The following CYRIB variants were observed in gnomAD, a reference collection of about 807,000 sequenced individuals.
CYRIB encodes CYFIP-related Rac1 interactor B.
In CYRIB, 8 loss-of-function variants were observed where a neutral mutation model predicts 44.2. The ratio of observed to expected loss-of-function variants is 0.18; its 90% CI spans 0.11 to 0.33. The LOEUF (loss-of-function observed/expected upper bound fraction) is 0.33, where lower values mean the gene tolerates loss of function less well. Ranked by LOEUF, CYRIB falls within the 10% of genes least tolerant of loss-of-function variation. The pLI, the probability that CYRIB is intolerant of heterozygous loss-of-function variation, is 1.00. For synonymous variants in CYRIB, 131 were observed against 127.2 expected (o/e 1.03, Z -0.20); for missense variants, 185 against 382.8 (o/e 0.48, Z 4.31).
intron 2 of CYRIB, among the ~76,000 whole-genome samples, chr8:129,965,661 T>C (rs2131931405): frequency 6.6e-6 from 1 of 151,564 alleles, no homozygotes; most frequent in African/African-American, 2.4e-5. Context: ...CCGGGCGTGG[T>C]GGTGGGTGCC....
intron 10 of CYRIB, among the ~76,000 whole-genome samples, chr8:129,848,711 G>A (rs1387183299): frequency 2.0e-5 from 3 of 151,794 alleles, no homozygotes; most frequent in Admixed American, 6.6e-5. Context: ...TGTGACTACC[G>A]ATGTGTGCCA....
At chr8:129,969,907 A>G (rs1046163918) in intron 2 of CYRIB, among the ~76,000 whole-genome samples, 5 of 152,164 alleles carry the variant, frequency 3.3e-5, no homozygotes, top group African/African-American at 4.8e-5. Flanking sequence ...GATCACCTAC[A>G]CTATTTAAAG....
At chr8:129,847,723 G>A (rs533558175) in intron 10 of CYRIB, among the ~76,000 whole-genome samples, 3 of 152,174 alleles carry the variant, frequency 2.0e-5, no homozygotes, top group African/African-American at 7.2e-5. Flanking sequence ...ATATTAGCCT[G>A]GTTGTTATAA....
intron 3 of CYRIB, among the ~76,000 whole-genome samples, chr8:129,877,782 C>T (rs2059633809): frequency 1.3e-5 from 2 of 151,840 alleles, no homozygotes; most frequent in Admixed American, 1.3e-4. Context: ...ATGCTTCCCA[C>T]TTGACCATAA....
intron 2 of CYRIB, among the ~76,000 whole-genome samples, chr8:129,962,512 AG>A (rs1305643216): frequency 6.6e-6 from 1 of 152,204 alleles, no homozygotes; most frequent in African/African-American, 2.4e-5. Flanking sequence ...TGTCTAGCCC[AG>A]CATCTATGGC....
intron 11 of CYRIB, among the ~76,000 whole-genome samples, chr8:129,845,594 C>T (rs925598399): frequency 6.6e-6 from 1 of 152,212 alleles, no homozygotes; most frequent in Non-Finnish European, 1.5e-5. Context: ...CAACACTTTT[C>T]ATAATCTTTT....
At chr8:129,962,728 G>C (rs2095319423) in intron 2 of CYRIB, among the ~76,000 whole-genome samples, 1 of 152,054 alleles carries the variant, frequency 6.6e-6, no homozygotes. Flanking sequence ...TCGGGGTATT[G>C]CATAACCAGC....
intron 6 of CYRIB, 84 bp from the exon 9 acceptor site, chr8:129,854,427 T>A: frequency 1.1e-6 from 1 of 952,320 alleles, no homozygotes; most frequent in Non-Finnish European, 1.6e-6. Flanking sequence ...TAGTTTTAAT[T>A]AGTATAAAAC....
upstream of CYRIB, among the ~76,000 whole-genome samples, chr8:129,940,959 G>C (rs556531274): frequency 6.6e-6 from 1 of 152,132 alleles, no homozygotes; most frequent in Non-Finnish European, 1.5e-5. Context: ...CTAAGGTTCC[G>C]GTAACTATCT....
At chr8:130,006,425 G>C (rs928535099) in intron 1 of CYRIB, among the ~76,000 whole-genome samples, 2 of 148,606 alleles carry the variant, frequency 1.3e-5, no homozygotes, top group African/African-American at 5.0e-5. Flanking sequence ...AGTCCAGCTT[G>C]AGCAACGTAG....
In CYRIB at chr8:129,854,531, G is replaced by A. The variant is rs1027951630; in HGVS notation, c.439-188C>T. The stretch of plus-strand genomic sequence containing the variant: ...TTAGTCCTTACTGAACATATAAAAC[G>A]AAAGACCACAGGCAGTATACTTTCC... On this transcript the variant is annotated intron_variant, in intron 6 of 11. Coordinates refer to ENST00000519824, the Ensembl canonical transcript of CYRIB. Among the ~76,000 whole-genome samples the A allele has an allele frequency of 3.7e-4, 56 of 152,156 alleles. 1 individual carries two copies. The highest frequency in any genetic ancestry group is 1.3e-3 in the African/African-American group (54 of 41,520).
intron 4 of CYRIB, among the ~76,000 whole-genome samples, chr8:129,863,774 A>G (rs1395378409): frequency 2.0e-5 from 3 of 152,174 alleles, no homozygotes; most frequent in Non-Finnish European, 4.4e-5. Flanking sequence ...CCAAAAATAC[A>G]TATTTTTTTG....
At chr8:129,983,265 G>A (rs2096312851) in intron 1 of CYRIB, among the ~76,000 whole-genome samples, 1 of 152,042 alleles carries the variant, frequency 6.6e-6, no homozygotes, top group African/African-American at 2.4e-5. Flanking sequence ...CTAACACGGT[G>A]AAACCCCGTC....
At chr8:129,924,415 T>C (rs1294615864) in intron 1 of CYRIB, among the ~76,000 whole-genome samples, 2 of 150,862 alleles carry the variant, frequency 1.3e-5, no homozygotes, top group Non-Finnish European at 3.0e-5. Flanking sequence ...TTGATGCCAC[T>C]TTATTCACAA....
chr8:129,893,394 G>A (rs1213542011), intron 2 of CYRIB, among the ~76,000 whole-genome samples: 1 of 152,034 alleles, frequency 6.6e-6, no homozygotes. Context: ...AAAGAAAAAA[G>A]CAAAGGGCAT....
In CYRIB at chr8:129,875,379, A is replaced by C. The variant is rs2058761597; in HGVS notation, c.74-3883T>G. Among the ~76,000 whole-genome samples, 4 of 151,950 alleles carry C rather than the reference A, an allele frequency of 2.6e-5. No homozygotes were observed. The South Asian group carries it at 6.2e-4, about 24-fold the overall frequency. On this transcript the variant is annotated intron_variant, in intron 3 of 11. Transcript: ENST00000519824. Reference sequence around the variant, plus strand: ...CATCACTATTCCCAGCTAATTAAAAAATTTTTTTTTTCATACAGATAGAGT... The same window carrying C: ...CATCACTATTCCCAGCTAATTAAAACATTTTTTTTTTCATACAGATAGAGT...
chr8:129,920,109 A>C (rs1244751900), intron 1 of CYRIB, among the ~76,000 whole-genome samples: 1 of 151,868 alleles, frequency 6.6e-6, no homozygotes, highest in Non-Finnish European at 1.5e-5. Context: ...AAAAAAAAAA[A>C]GTACTATTCT....
intron 2 of CYRIB, among the ~76,000 whole-genome samples, chr8:129,898,429 A>G (rs2069427048): frequency 6.6e-6 from 1 of 152,216 alleles, no homozygotes; most frequent in Non-Finnish European, 1.5e-5. Flanking sequence ...GCAGAAGCTA[A>G]AAGTAAAATA....
intron 1 of CYRIB, among the ~76,000 whole-genome samples, chr8:130,008,081 C>T (rs1029937076): frequency 2.0e-5 from 3 of 151,038 alleles, no homozygotes; most frequent in Admixed American, 6.6e-5. Flanking sequence ...TGGTTGCGGG[C>T]GCCTGTAGTC....
Sources: allele counts gnomAD v4.1 joint callset (sites outside exome capture counted in the v4.1 genomes callset), GRCh38; gene constraint gnomAD v4.1.1; transcripts MANE v1.5; gene names NCBI Gene and HGNC (gene_info 2026-07-23, HGNC 2026-07-21).